Variants in UMODL1 observed in about 807,000 individuals in gnomAD.
UMODL1 encodes the protein uromodulin-like 1.
A neutral mutation model predicts 136.3 loss-of-function variants in UMODL1; 128 were observed. That is an observed-to-expected ratio of 0.94 (90% CI 0.81 to 1.09). The LOEUF is 1.09. Among genes scored for constraint, UMODL1 ranks in the 50% least tolerant of loss-of-function variants. The pLI is 0.00. For missense variants in UMODL1, 1,766 were observed against 1,725.6 expected (o/e 1.02, Z -0.41); for synonymous variants, 721 against 720.0 (o/e 1.00, Z -0.02).
intron 9 of UMODL1, among the ~76,000 whole-genome samples, chr21:42,106,811 A>G (rs1359217988): frequency 2.6e-5 from 4 of 152,152 alleles, no homozygotes; most frequent in Non-Finnish European, 5.9e-5. Context: ...TGCTGCACAA[A>G]TGACTTCCTC....
At chr21:42,121,367 A>G in intron 16 of UMODL1, 143 bp downstream of exon 16, 1 of 834,424 alleles carries the variant, frequency 1.2e-6, no homozygotes, top group East Asian at 2.7e-5. Context: ...ATGTGGGTGC[A>G]CGTGTGTGTG....
intron 1 of UMODL1, among the ~76,000 whole-genome samples, chr21:42,073,378 C>A (rs921852338): frequency 6.6e-6 from 1 of 152,188 alleles, no homozygotes; most frequent in Non-Finnish European, 1.5e-5. Flanking sequence ...TGTTCCACCC[C>A]GTACGATGAG....
rs1043221460 is a variant in UMODL1 at position 42,127,304 on chromosome 21, T to C, written c.3530+62T>C. 83 of 1,467,478 alleles carry C rather than the reference T, an allele frequency of 5.7e-5. No individual in the cohort carries two copies. The Middle Eastern group carries it at 6.4e-4, about 11-fold the overall frequency. The allele number at this position is 1,467,478 out of a possible 1,614,324, so 90.9% of individuals were successfully genotyped here. On this transcript the variant is annotated intron_variant, in intron 19 of 22. Coordinates refer to ENST00000408910, the MANE Select transcript of UMODL1 (RefSeq NM_001004416.3). Reference sequence around the variant, plus strand: ...TGCCTGGGGCTTTATTAACAATAGGTAGGGCTCAAGAATGCAGACATCCCC... The same window carrying C: ...TGCCTGGGGCTTTATTAACAATAGGCAGGGCTCAAGAATGCAGACATCCCC...
rs755351192 is a variant in UMODL1 at position 42,122,927 on chromosome 21, C to T, written c.2924C>T (p.Thr975Ile). 3.7e-6 allele frequency: 6 copies of T among 1,613,576 alleles called. No homozygotes were observed. The highest frequency in any genetic ancestry group is 3.3e-5 in the South Asian group (3 of 91,082). Residue 975 changes from threonine (T) to isoleucine (I), a missense_variant, in exon 17 of 23, where the codon ACC (threonine) becomes ATC (isoleucine). Coordinates refer to ENST00000408910, the MANE Select transcript of UMODL1 (RefSeq NM_001004416.3). This position sits in a 1 kb window ranked among gnomAD's most constrained non-coding sequence, Gnocchi z 4.3. ...GCCTTTGTGCAAGGCACCAGCCCCA[C>T]CCCCCAAGGCCTGCCCCAGCGGCTG... ...KAAFVQGTSP[T>I]PQGLPQRLNL...
chr21:42,123,167 C>T lies in UMODL1; in HGVS notation c.3147+17C>T. 6.3e-7 allele frequency: 1 copy of T among 1,599,684 alleles called. No individual in the cohort carries two copies. Among genetic ancestry groups the T allele is most frequent in the South Asian group, 1.1e-5 (1 of 89,302 alleles). ...ATGCAGAGCGTAAGACCAGGAGAGC[C>T]AGGCTCAGGATGTACACTAGGGCGC... On this transcript the variant is annotated intron_variant, in intron 17 of 22. Coordinates refer to ENST00000408910, the MANE Select transcript of UMODL1 (RefSeq NM_001004416.3). The surrounding 1 kb of genome is among the most constrained non-coding windows in gnomAD (Gnocchi z 4.4).
intron 2 of UMODL1, among the ~76,000 whole-genome samples, chr21:42,081,821 T>C (rs2066365689): frequency 6.6e-6 from 1 of 152,176 alleles, no homozygotes; most frequent in Admixed American, 6.5e-5. Context: ...TGTTTTCCCC[T>C]GAATGTCTTT....
In UMODL1 at chr21:42,109,663, G is replaced by T. The variant is rs1173072891; in HGVS notation, c.1621G>T (p.Asp541Tyr). Residue 541 changes from aspartate (D) to tyrosine (Y), a missense_variant, in exon 10 of 23, where the codon GAC (aspartate) becomes TAC (tyrosine). By Grantham distance (160) the Asp-to-Tyr change is radical (BLOSUM62 -3). Transcript: ENST00000408910. ...SYTCQCRTTR[D>Y]ATPSRAGRAC... ...CACCTGCCAGTGCCGTACCACCAGG[G>T]ACGCCACCCCCTCCCGCGCAGGCCG... 2 of 1,607,624 alleles carry T rather than the reference G, an allele frequency of 1.2e-6. No individual in the cohort carries two copies. The highest frequency in any genetic ancestry group is 1.1e-5 in the South Asian group (1 of 91,072).
chr21:42,113,305 C>T (rs1380221035), intron 12 of UMODL1, among the ~76,000 whole-genome samples: 1 of 151,824 alleles, frequency 6.6e-6, no homozygotes, highest in African/African-American at 2.4e-5. Flanking sequence ...GTCCAGGGGC[C>T]TCAGGGATGT....
chr21:42,116,172 CAAAAAAAA>C (rs56162491), intron 14 of UMODL1, among the ~76,000 whole-genome samples, 187 bp downstream of exon 14: 1,995 of 75,088 alleles, frequency 0.027, 28 homozygotes, highest in Non-Finnish European at 0.036. Flanking sequence ...CCATCTCCAC[CAAAAAAAA>C]AAAAAAAAAA....
intron 9 of UMODL1, among the ~76,000 whole-genome samples, chr21:42,109,044 A>AC (rs2066774007): frequency 3.1e-5 from 1 of 32,650 alleles, no homozygotes; most frequent in Non-Finnish European, 6.4e-5. Context: ...ACTGGCCCCC[A>AC]CCCCCGGCGT....
At chr21:42,111,168 G>A in intron 11 of UMODL1, 47 bp downstream of exon 11, 1 of 1,582,346 alleles carries the variant, frequency 6.3e-7, no homozygotes, top group Non-Finnish European at 8.6e-7. Flanking sequence ...GGGAGCCCCA[G>A]CCAGGTGAAC....
intron 6 of UMODL1, among the ~76,000 whole-genome samples, chr21:42,098,191 CT>C (rs1474732927): frequency 7.9e-5 from 12 of 152,154 alleles, no homozygotes; most frequent in African/African-American, 2.9e-4. Context: ...ACTGTTCTGA[CT>C]TTCTAGTAAC....
intron 6 of UMODL1, among the ~76,000 whole-genome samples, chr21:42,094,443 T>C (rs1177017910): frequency 3.3e-5 from 5 of 152,206 alleles, no homozygotes; most frequent in Non-Finnish European, 2.9e-5. Flanking sequence ...TGTTCCTAGC[T>C]GTGGTTGGGG....
At chr21:42,136,795 G>A (rs1312764287) in intron 21 of UMODL1, among the ~76,000 whole-genome samples, 1 of 151,602 alleles carries the variant, frequency 6.6e-6, no homozygotes, top group Non-Finnish European at 1.5e-5. Flanking sequence ...GTCTTGCTCT[G>A]TAACCAGTCT....
At chr21:42,130,240 G>GTGTGTGTC (rs2067116367) in intron 21 of UMODL1, among the ~76,000 whole-genome samples, 1 of 151,108 alleles carries the variant, frequency 6.6e-6, no homozygotes, top group South Asian at 2.1e-4. Context: ...GTGTGTGTGT[G>GTGTGTGTC]TGTGTGCGTG....
chr21:42,105,429 C>T (rs2066701456), intron 9 of UMODL1, among the ~76,000 whole-genome samples: 1 of 152,222 alleles, frequency 6.6e-6, no homozygotes. Flanking sequence ...CAAATGAGAA[C>T]CTCGGCAGCA....
At chr21:42,081,230 T>C (rs986566626) in intron 2 of UMODL1, among the ~76,000 whole-genome samples, 3 of 151,916 alleles carry the variant, frequency 2.0e-5, no homozygotes, top group Non-Finnish European at 4.4e-5. Flanking sequence ...GAACCTCCTG[T>C]CCCGACCAGG....
In UMODL1 at chr21:42,111,594, C is replaced by T; in HGVS notation, c.1988C>T (p.Ser663Phe). ...CACTTCCTGTGGCATGCCACCCGTT[C>T]CACCCGGGAAACACTTCTGAATCCC... ...TGHFLWHATR[S>F]TRETLLNPTW... The change falls in exon 12 of 23, where the codon TCC becomes TTC. Residue 663 changes from serine (S) to phenylalanine (F), a missense_variant. Coordinates refer to ENST00000408910, the MANE Select transcript of UMODL1 (RefSeq NM_001004416.3). The T allele has an allele frequency of 6.2e-7, 1 of 1,614,160 alleles. No individual in the cohort carries two copies. Among genetic ancestry groups the T allele is most frequent in the Non-Finnish European group, 8.5e-7 (1 of 1,180,014 alleles).
rs763964128 is a variant in UMODL1, at chr21:42,090,434, G to A, written c.927G>A (p.Trp309Ter). The A allele has an allele frequency of 9.3e-6, 15 of 1,613,676 alleles. No individual in the cohort carries two copies. The Admixed American group carries it at 2.0e-4, about 22-fold the overall frequency. ...ATSPRKLNLEWEDCPPVSDYV... is the reference protein window; with the variant it reads ...ATSPRKLNLE ...CTCCACGGAAGCTGAACCTGGAGTG[G>A]GAAGGTAATGGCTAGGCTCTCTCAG... The change falls in exon 6 of 23, where the codon TGG becomes TGA. Residue 309 changes from tryptophan (W) to a stop codon, truncating the protein, a stop_gained. Coordinates refer to ENST00000408910, the MANE Select transcript of UMODL1 (RefSeq NM_001004416.3). LOFTEE classifies it high-confidence loss of function.
Sources: allele counts gnomAD v4.1 joint callset (sites outside exome capture counted in the v4.1 genomes callset), GRCh38; gene constraint gnomAD v4.1.1; non-coding constraint Gnocchi (gnomAD v3.1); transcripts MANE v1.5; gene names NCBI Gene and HGNC (gene_info 2026-07-23, HGNC 2026-07-21).